USP37: variants seen among roughly 807,000 people sequenced by gnomAD.
The protein encoded by USP37 is ubiquitin carboxyl-terminal hydrolase 37.
Under a neutral mutation model 124.0 loss-of-function variants are expected in USP37, and 27 were observed. That is an observed-to-expected ratio of 0.22 (90% CI 0.16 to 0.30). The LOEUF (loss-of-function observed/expected upper bound fraction) is 0.30. USP37 is among the 10% of genes least tolerant of loss of function. The pLI is 1.00. For missense variants in USP37, 889 were observed against 1,140.4 expected, an observed-to-expected ratio of 0.78 and a Z score of 3.17; for synonymous variants, 365 against 388.0, an observed-to-expected ratio of 0.94 and a Z score of 0.70.
At chr2:218,501,790 G>A (rs1360259920) in intron 11 of USP37, among the ~76,000 whole-genome samples, 1 of 152,196 alleles carries the variant, frequency 6.6e-6, no homozygotes, top group African/African-American at 2.4e-5. Context: ...CCAGAAATCT[G>A]CATAGCAGTC....
chr2:218,513,732 G>GTT (rs765996216), intron 10 of USP37, among the ~76,000 whole-genome samples: 63 of 152,304 alleles, frequency 4.1e-4, no homozygotes, highest in Non-Finnish European at 7.8e-4. Context: ...TGTATAAACA[G>GTT]TTCATCCTTT....
chr2:218,451,067 TA>T lies in USP37; in HGVS notation c.*3862del, dbSNP rs1289095377. The T allele has an allele frequency of 1.3e-5, 2 of 152,086 alleles. No homozygotes were observed. The highest frequency in any genetic ancestry group is 4.8e-5 in the African/African-American group (2 of 41,398). 9.4% of individuals were successfully genotyped at this position (152,086 alleles called of 1,614,324 possible). A position where few individuals can be genotyped will look rare whatever the true frequency, so the allele number is the denominator to read the frequency against. ...CAAATTAGAATTTTCCAATAAAAAA[TA>T]TATATTTTTTCAGATGTTAATAAGA... On this transcript the variant is annotated 3_prime_UTR_variant, in exon 26 of 26. Coordinates refer to ENST00000258399, the MANE Select transcript of USP37 (RefSeq NM_020935.3).
At chr2:218,458,786 C>A (rs967575848) in intron 23 of USP37, among the ~76,000 whole-genome samples, 3 of 151,870 alleles carry the variant, frequency 2.0e-5, no homozygotes, top group African/African-American at 7.3e-5. Context: ...AACAGGATAA[C>A]CTGGGTGTGG....
chr2:218,459,911 G>T lies in USP37; in HGVS notation c.2528-6C>A, dbSNP rs371212265. 1.1e-5 allele frequency: 17 copies of T among 1,605,476 alleles called. No individual in the cohort carries two copies. In the African/African-American group the frequency reaches 2.0e-4, roughly 19 times the overall value. ...CACAAAGGAGTTGTTAAACTCTGAAGAATACAAAGACAAAATCTTATAAAA... is the reference window on the plus strand; with the variant it reads ...CACAAAGGAGTTGTTAAACTCTGAATAATACAAAGACAAAATCTTATAAAA... On this transcript the variant is annotated splice_polypyrimidine_tract_variant and splice_region_variant and intron_variant, in intron 22 of 25. Coordinates refer to ENST00000258399, the MANE Select transcript of USP37 (RefSeq NM_020935.3).
chr2:218,508,226 G>T (rs979971118), intron 11 of USP37, among the ~76,000 whole-genome samples: 1 of 151,430 alleles, frequency 6.6e-6, no homozygotes, highest in Non-Finnish European at 1.5e-5. Context: ...TTGCAATTAG[G>T]CAGTCTCCAT....
At chr2:218,556,509 T>TG (rs1692985688) in intron 4 of USP37, among the ~76,000 whole-genome samples, 3 of 131,276 alleles carry the variant, frequency 2.3e-5, no homozygotes, top group Non-Finnish European at 3.3e-5. Context: ...TTCTGTTTTT[T>TG]TTTTTTTTTT....
intron 10 of USP37, among the ~76,000 whole-genome samples, chr2:218,527,563 C>CT (rs1438735477): frequency 6.6e-6 from 1 of 152,200 alleles, no homozygotes; most frequent in Admixed American, 6.5e-5. Flanking sequence ...CACCTTATCT[C>CT]TCAGTGCAGC....
chr2:218,485,894 C>G (rs1185102271), intron 15 of USP37, 151 bp from the exon 16 acceptor site: 2 of 725,860 alleles, frequency 2.8e-6, no homozygotes, highest in East Asian at 5.5e-5. Flanking sequence ...TGAGCCTTAC[C>G]AAATTAAGAC....
At chr2:218,470,719 A>G (rs927193098) in intron 20 of USP37, among the ~76,000 whole-genome samples, 12 of 152,184 alleles carry the variant, frequency 7.9e-5, no homozygotes, top group Non-Finnish European at 1.5e-4. Context: ...GTCTTTGTAC[A>G]CACTATTCCT....
rs778461892 is a variant in USP37, at chr2:218,488,292, G to T, written c.1590+12C>A. On this transcript the variant is annotated intron_variant, in intron 15 of 25. Coordinates refer to ENST00000258399, the MANE Select transcript of USP37 (RefSeq NM_020935.3). ...AATTTAGTTATGTGAAAATACAAAA[G>T]ATATTATTTACCCTAAAGAAAAGAT... The T allele has an allele frequency of 5.0e-5, 76 of 1,506,968 alleles. 2 individuals carry two copies. In the South Asian group the frequency reaches 9.1e-4, roughly 18 times the overall value. 93.3% of individuals were successfully genotyped at this position (1,506,968 alleles called of 1,614,324 possible). A position where few individuals can be genotyped will look rare whatever the true frequency, so the allele number is the denominator to read the frequency against.
intron 11 of USP37, among the ~76,000 whole-genome samples, chr2:218,499,049 T>C (rs965715045): frequency 6.6e-6 from 1 of 151,954 alleles, no homozygotes; most frequent in Non-Finnish European, 1.5e-5. Context: ...CCAAGGCGGG[T>C]GGATCACAAG....
intron 10 of USP37, among the ~76,000 whole-genome samples, chr2:218,515,297 T>C (rs553085596): frequency 3.4e-4 from 52 of 152,110 alleles, no homozygotes; most frequent in Admixed American, 9.8e-4. Context: ...CTTCAAACTA[T>C]ACTACAAGGC....
rs1263993983 is a variant in USP37, at chr2:218,452,576, G to A, written c.*2354C>T. 1.3e-5 allele frequency: 2 copies of A among 152,166 alleles called. No homozygotes were observed. The highest frequency in any genetic ancestry group is 2.9e-5 in the Non-Finnish European group (2 of 68,042). 9.4% of individuals were successfully genotyped at this position (152,166 alleles called of 1,614,324 possible). A position where few individuals can be genotyped will look rare whatever the true frequency, so the allele number is the denominator to read the frequency against. ...TCCCAAACATGCAAGTACATGAGCA[G>A]TGAGATAACTTATATATTCCAATAA... On this transcript the variant is annotated 3_prime_UTR_variant, in exon 26 of 26. Coordinates refer to ENST00000258399, the MANE Select transcript of USP37 (RefSeq NM_020935.3).
Position 218,510,121 on chromosome 2 carries a change from T to A in USP37, c.883A>T (p.Thr295Ser). Residue 295 changes from threonine (T) to serine (S), a missense_variant, in exon 11 of 26, where the codon ACT (threonine) becomes TCT (serine). Coordinates refer to ENST00000258399, the MANE Select transcript of USP37 (RefSeq NM_020935.3). Reference sequence around the variant, plus strand: ...CCCAAACTTCTTTTGGCAGAGGGAGTCTGGCTTGAAACATTAGTCCTACAA... The same window carrying A: ...CCCAAACTTCTTTTGGCAGAGGGAGACTGGCTTGAAACATTAGTCCTACAA... ...NLDRTNVSSQTPSAKRSLGFL... is the reference protein window; with the variant it reads ...NLDRTNVSSQSPSAKRSLGFL... 1 of 1,610,198 alleles carries A rather than the reference T, an allele frequency of 6.2e-7. No individual in the cohort carries two copies. The highest frequency in any genetic ancestry group is 2.2e-5 in the East Asian group (1 of 44,806).
At chr2:218,522,562 C>CAA (rs11335637) in intron 10 of USP37, among the ~76,000 whole-genome samples, 1 of 105,284 alleles carries the variant, frequency 9.5e-6, no homozygotes, top group Non-Finnish European at 1.9e-5. Flanking sequence ...AACTCCACCA[C>CAA]AAAAAAAAAA....
At position 218,495,843 on chromosome 2, in the gene USP37, T is replaced by C; in HGVS notation, c.1389A>G (p.Pro463=). The change falls in exon 14 of 26, where the codon CCA becomes CCG. Residue 463 remains proline (P), a synonymous_variant. Coordinates refer to ENST00000258399, the MANE Select transcript of USP37 (RefSeq NM_020935.3). ...TGTATGCTCTGGTAGCTGAAATATC[T>C]GGTGAATTTTCTTCTCCAGAAACAG... is the stretch of plus-strand genomic sequence containing the variant. The part of the protein sequence containing the change: ...TEPVSGEENS[P]DISATRAYTC... The C allele has an allele frequency of 1.9e-6, 3 of 1,614,054 alleles. No individual in the cohort carries two copies. The highest frequency in any genetic ancestry group is 2.5e-6 in the Non-Finnish European group (3 of 1,180,038).
chr2:218,512,874 C>T (rs984793685), intron 10 of USP37, among the ~76,000 whole-genome samples: 4 of 152,044 alleles, frequency 2.6e-5, no homozygotes, highest in African/African-American at 9.7e-5. Context: ...CCTGTGTATA[C>T]TTTAACTGGA....
chr2:218,529,838 A>C, intron 10 of USP37, 118 bp downstream of exon 10: 2 of 739,790 alleles, frequency 2.7e-6, no homozygotes, highest in East Asian at 2.7e-5. Flanking sequence ...GAGTCTCGTC[A>C]ATTTTGTTAA....
chr2:218,473,529 G>T (rs751607146), intron 20 of USP37, among the ~76,000 whole-genome samples: 2 of 152,090 alleles, frequency 1.3e-5, no homozygotes, highest in Non-Finnish European at 2.9e-5. Context: ...TGATATTCTA[G>T]TATTCTCTTC....
Sources: allele counts gnomAD v4.1 joint callset (sites outside exome capture counted in the v4.1 genomes callset), GRCh38; gene constraint gnomAD v4.1.1; transcripts MANE v1.5; gene names NCBI Gene and HGNC (gene_info 2026-07-23, HGNC 2026-07-21).